Variants in TRERF1 observed in about 807,000 individuals in gnomAD.
TRERF1 encodes the protein transcriptional-regulating factor 1.
In TRERF1, 27 loss-of-function variants were observed where a neutral mutation model predicts 122.9. The observed-to-expected ratio is 0.22, with a 90% CI of 0.16 to 0.30. The LOEUF (loss-of-function observed/expected upper bound fraction) is 0.30. Ranked by LOEUF, TRERF1 falls within the 10% of genes least tolerant of loss-of-function variation. The pLI is 1.00. For synonymous variants in TRERF1, 636 were observed against 641.7 expected (o/e 0.99, Z 0.13); for missense variants, 1,248 against 1,560.3 (o/e 0.80, Z 3.37).
chr6:42,284,068 A>T (rs13205512), intron 4 of TRERF1, among the ~76,000 whole-genome samples: 4,152 of 152,228 alleles, frequency 0.027, 56 homozygotes, highest in Non-Finnish European at 0.037. Context: ...TGTATTTATC[A>T]TTTGTGCATA....
intron 12 of TRERF1, among the ~76,000 whole-genome samples, chr6:42,256,200 C>T (rs983013715): frequency 1.3e-5 from 2 of 149,534 alleles, no homozygotes; most frequent in African/African-American, 4.9e-5. Context: ...TTTGGGAAGA[C>T]AGCACCAAGG....
chr6:42,250,862 A>G (rs1442407435), intron 13 of TRERF1, among the ~76,000 whole-genome samples: 1 of 152,164 alleles, frequency 6.6e-6, no homozygotes, highest in Non-Finnish European at 1.5e-5. Context: ...TTTGGGGGCA[A>G]TCGACAGTGA....
At chr6:42,362,535 C>T (rs1402714204) in intron 3 of TRERF1, among the ~76,000 whole-genome samples, 2 of 152,220 alleles carry the variant, frequency 1.3e-5, no homozygotes, top group African/African-American at 4.8e-5. Context: ...GAGGGACAAA[C>T]TGAGAATGGA....
chr6:42,378,717 G>C (rs1322134091), intron 2 of TRERF1, among the ~76,000 whole-genome samples: 1 of 152,180 alleles, frequency 6.6e-6, no homozygotes, highest in Admixed American at 6.5e-5. Flanking sequence ...GGCTGAGAGA[G>C]GGGAAGTAAC....
intron 2 of TRERF1, among the ~76,000 whole-genome samples, chr6:42,436,808 A>ATATATAT (rs1263996791): frequency 1.3e-4 from 13 of 103,210 alleles, no homozygotes; most frequent in Admixed American, 2.2e-4. Context: ...TACAAAAAAA[A>ATATATAT]AAAAAAATAT....
At chr6:42,301,455 C>A (rs1786181934) in intron 3 of TRERF1, among the ~76,000 whole-genome samples, 1 of 152,204 alleles carries the variant, frequency 6.6e-6, no homozygotes, top group Admixed American at 6.5e-5. Flanking sequence ...GTCTTGCACT[C>A]CTGACCTCAT....
At chr6:42,273,352 GT>G (rs1337774312) in intron 4 of TRERF1, among the ~76,000 whole-genome samples, 2 of 152,106 alleles carry the variant, frequency 1.3e-5, no homozygotes, top group Admixed American at 6.5e-5. Context: ...ATAAGGATTT[GT>G]TGAAGGAAGG....
chr6:42,317,252 T>G (rs1762651722), intron 3 of TRERF1, among the ~76,000 whole-genome samples: 1 of 152,112 alleles, frequency 6.6e-6, no homozygotes, highest in South Asian at 2.1e-4. Flanking sequence ...ACTACAATAC[T>G]GTGGTCTCAG....
intron 3 of TRERF1, among the ~76,000 whole-genome samples, chr6:42,335,416 G>A (rs747427930): frequency 2.6e-5 from 4 of 152,244 alleles, no homozygotes; most frequent in East Asian, 3.9e-4. Flanking sequence ...ATTTAGTAAC[G>A]CCACAAGACA....
intron 3 of TRERF1, among the ~76,000 whole-genome samples, chr6:42,303,359 G>A (rs1185876980): frequency 1.3e-5 from 2 of 152,172 alleles, no homozygotes; most frequent in African/African-American, 2.4e-5. Flanking sequence ...GCATGGACAT[G>A]GGGCAGAAAT....
intron 3 of TRERF1, among the ~76,000 whole-genome samples, chr6:42,349,016 T>C (rs1455015849): frequency 6.6e-6 from 1 of 152,214 alleles, no homozygotes; most frequent in African/African-American, 2.4e-5. Context: ...GGGTCATTTA[T>C]AGTTGAAATG....
intron 4 of TRERF1, among the ~76,000 whole-genome samples, chr6:42,296,070 G>A (rs1350845203): frequency 3.3e-5 from 5 of 152,042 alleles, no homozygotes; most frequent in African/African-American, 1.2e-4. Context: ...TGGGGGCCCT[G>A]CAAGGGAAAC....
intron 4 of TRERF1, among the ~76,000 whole-genome samples, chr6:42,270,166 A>G (rs1034091196): frequency 2.0e-5 from 3 of 152,182 alleles, no homozygotes; most frequent in Admixed American, 2.0e-4. Flanking sequence ...AGCCTAGGTG[A>G]CAGCATAAAA....
intron 2 of TRERF1, among the ~76,000 whole-genome samples, chr6:42,412,141 C>T (rs1206491250): frequency 2.6e-5 from 4 of 151,722 alleles, no homozygotes; most frequent in African/African-American, 4.8e-5. Flanking sequence ...GCTGGGATTA[C>T]AGGCATGCGC....
chr6:42,394,339 C>T (rs368614285), intron 2 of TRERF1, among the ~76,000 whole-genome samples: 14 of 152,304 alleles, frequency 9.2e-5, no homozygotes, highest in African/African-American at 2.6e-4. Flanking sequence ...CCCTGATCAA[C>T]GCCCACCTTG....
rs570370590 is a variant in TRERF1, at chr6:42,302,106, G to T, written c.-370-1357C>A. Among the ~76,000 whole-genome samples the T allele has an allele frequency of 3.9e-5, 6 of 152,224 alleles. No homozygotes were observed. In the East Asian group the frequency reaches 1.2e-3, roughly 29 times the overall value. ...TCCCAACCCTAACTATGGCAACCCC[G>T]CCTGAAGCTCCCTCCCTGAATGAGA... On this transcript the variant is annotated intron_variant, in intron 3 of 17. Coordinates refer to ENST00000372922, the Ensembl canonical transcript of TRERF1.
At chr6:42,256,689 T>C in intron 12 of TRERF1, 39 bp downstream of exon 12, 1 of 1,575,140 alleles carries the variant, frequency 6.3e-7, no homozygotes, top group Non-Finnish European at 8.7e-7. Flanking sequence ...GAAAATACTC[T>C]TCAGGAATTT....
chr6:42,300,108 A>C (rs1308759373), intron 4 of TRERF1, among the ~76,000 whole-genome samples: 1 of 152,204 alleles, frequency 6.6e-6, no homozygotes, highest in East Asian at 1.9e-4. Context: ...CATGTGGAAG[A>C]GTCTTTGAAA....
chr6:42,436,056 A>C (rs1562208244), intron 2 of TRERF1, among the ~76,000 whole-genome samples: 1 of 152,140 alleles, frequency 6.6e-6, no homozygotes, highest in Non-Finnish European at 1.5e-5. Context: ...ATATCTGTTG[A>C]ACATAGAGTC....
Sources: allele counts gnomAD v4.1 joint callset (sites outside exome capture counted in the v4.1 genomes callset), GRCh38; gene constraint gnomAD v4.1.1; transcripts MANE v1.5; gene names NCBI Gene and HGNC (gene_info 2026-07-23, HGNC 2026-07-21).